PARL: variants seen among roughly 807,000 people sequenced by gnomAD.
PARL encodes the protein presenilin associated rhomboid like, also known as presenilin-associated rhomboid-like protein, mitochondrial.
Under a neutral mutation model 51.6 loss-of-function variants are expected in PARL, and 44 were observed. The ratio of observed to expected loss-of-function variants is 0.85; its 90% confidence interval spans 0.67 to 1.10. The LOEUF is 1.10. Ranked by LOEUF, PARL falls within the 50% of genes least tolerant of loss-of-function variation. The pLI is 0.00. For missense variants in PARL, 441 were observed against 469.5 expected (o/e 0.94, Z 0.56); for synonymous variants, 172 against 164.0 (o/e 1.05, Z -0.37).
chr3:183,871,616 CAA>C (rs1733226738), intron 1 of PARL, among the ~76,000 whole-genome samples: 2 of 150,466 alleles, frequency 1.3e-5, no homozygotes, highest in Admixed American at 6.6e-5. Flanking sequence ...AAGTAAAATA[CAA>C]AAGAGTACAT....
chr3:183,849,401 T>C (rs1284135681), intron 4 of PARL, among the ~76,000 whole-genome samples: 1 of 152,090 alleles, frequency 6.6e-6, no homozygotes, highest in East Asian at 1.9e-4. Context: ...CACCAGTATA[T>C]GGAAATTAAC....
chr3:183,873,295 C>CA (rs1039802260), intron 1 of PARL, among the ~76,000 whole-genome samples: 1 of 152,160 alleles, frequency 6.6e-6, no homozygotes, highest in African/African-American at 2.4e-5. Flanking sequence ...CACCTGAGGT[C>CA]AAGAGTTCGA....
At chr3:183,869,396 T>TG (rs1732907003) in intron 1 of PARL, among the ~76,000 whole-genome samples, 1 of 152,018 alleles carries the variant, frequency 6.6e-6, no homozygotes. Flanking sequence ...TTAGTAGATA[T>TG]GGGGTTTCAC....
At chr3:183,879,733 CG>C in intron 1 of PARL, 6 of 977,864 alleles carry the variant, frequency 6.1e-6, no homozygotes, top group Non-Finnish European at 7.3e-6. Flanking sequence ...TTTTGGTGGG[CG>C]GGGGGAGGTC....
At chr3:183,837,484 A>G (rs773067481) in intron 7 of PARL, among the ~76,000 whole-genome samples, 1 of 152,216 alleles carries the variant, frequency 6.6e-6, no homozygotes, top group Non-Finnish European at 1.5e-5. Context: ...TGTCAGCGGA[A>G]AGAAGCACCC....
chr3:183,874,924 TA>T (rs1216644424), intron 1 of PARL, among the ~76,000 whole-genome samples: 2 of 152,106 alleles, frequency 1.3e-5, no homozygotes, highest in Non-Finnish European at 2.9e-5. Context: ...ATTTAAAAAT[TA>T]GCCAAGTGTG....
At chr3:183,875,694 G>A (rs1182211472) in intron 1 of PARL, among the ~76,000 whole-genome samples, 2 of 152,228 alleles carry the variant, frequency 1.3e-5, no homozygotes, top group Admixed American at 1.3e-4. Context: ...AAGTGTGGAT[G>A]TAGAAACTGC....
At chr3:183,845,255 G>A (rs1294214802) in intron 4 of PARL, among the ~76,000 whole-genome samples, 1 of 152,108 alleles carries the variant, frequency 6.6e-6, no homozygotes, top group Non-Finnish European at 1.5e-5. Context: ...ACATCTCGGT[G>A]TTACCTGTGG....
intron 4 of PARL, among the ~76,000 whole-genome samples, chr3:183,852,601 A>G (rs1577329254): frequency 6.6e-6 from 1 of 151,862 alleles, no homozygotes; most frequent in African/African-American, 2.4e-5. Flanking sequence ...ACTGTCTGAA[A>G]CTCCTGGCCT....
chr3:183,860,293 T>C (rs1731660468), intron 4 of PARL, among the ~76,000 whole-genome samples: 1 of 152,186 alleles, frequency 6.6e-6, no homozygotes, highest in African/African-American at 2.4e-5. Context: ...CTCTCATATA[T>C]AGGTAATTGA....
At chr3:183,851,769 C>T (rs1730573172) in intron 4 of PARL, among the ~76,000 whole-genome samples, 1 of 152,062 alleles carries the variant, frequency 6.6e-6, no homozygotes, top group Non-Finnish European at 1.5e-5. Flanking sequence ...AACACAAATA[C>T]TCAATAAGCA....
At chr3:183,828,100 C>T (rs966136409), downstream of PARL, among the ~76,000 whole-genome samples, 7 of 152,350 alleles carry the variant, frequency 4.6e-5, no homozygotes, top group African/African-American at 1.4e-4. Flanking sequence ...AAGGCTTCTC[C>T]GGCCACAGCC....
chr3:183,831,342 G>A (rs989524228), intron 9 of PARL, among the ~76,000 whole-genome samples: 2 of 152,176 alleles, frequency 1.3e-5, no homozygotes, highest in African/African-American at 4.8e-5. Flanking sequence ...CAGGTATACT[G>A]TCTGATTATA....
intron 9 of PARL, among the ~76,000 whole-genome samples, chr3:183,831,426 C>T (rs75756861): frequency 0.011 from 1,671 of 152,342 alleles, 36 homozygotes; most frequent in African/African-American, 0.039. Flanking sequence ...ATTTCTAGGG[C>T]ACTCTTTTCT....
At chr3:183,865,457 A>G (rs1389211393) in intron 3 of PARL, among the ~76,000 whole-genome samples, 3 of 152,170 alleles carry the variant, frequency 2.0e-5, no homozygotes, top group African/African-American at 7.2e-5. Context: ...GAACTGGGCC[A>G]CACAGCAGGA....
intron 4 of PARL, among the ~76,000 whole-genome samples, chr3:183,861,950 T>G (rs1239933498): frequency 6.6e-6 from 1 of 152,130 alleles, no homozygotes; most frequent in Non-Finnish European, 1.5e-5. Context: ...ATTTTTTGTA[T>G]CTTTGGTAGA....
chr3:183,833,981 A>G (rs886353357), intron 7 of PARL, among the ~76,000 whole-genome samples, 156 bp from the exon 8 acceptor site: 4 of 152,256 alleles, frequency 2.6e-5, no homozygotes, highest in Admixed American at 6.5e-5. Context: ...TATGTCCCCA[A>G]TAATAGGTGA....
chr3:183,864,089 T>A (rs1375528671), intron 3 of PARL, among the ~76,000 whole-genome samples: 2 of 152,212 alleles, frequency 1.3e-5, no homozygotes, highest in African/African-American at 4.8e-5. Context: ...TCTTCTCAAA[T>A]ACATTGACTG....
intron 4 of PARL, chr3:183,844,906 T>G (rs1048376546): frequency 1.3e-5 from 2 of 152,576 alleles, no homozygotes; most frequent in African/African-American, 4.8e-5. Flanking sequence ...TTGAGTGACT[T>G]TCCTTTTTCT....
Sources: gnomAD v4.1 joint callset for allele counts (sites outside exome capture counted in the v4.1 genomes callset) on GRCh38, gnomAD v4.1.1 for gene constraint, MANE v1.5 for transcripts, NCBI Gene and HGNC (gene_info 2026-07-23, HGNC 2026-07-21) for gene names.